The following ZNF689 variants were observed in gnomAD, a reference collection of about 807,000 sequenced individuals.
ZNF689 encodes zinc finger protein 689, also known as short ORF-encoded histone-binding protein.
In ZNF689, 14 loss-of-function variants were observed where a neutral mutation model predicts 37.2. The ratio of observed to expected loss-of-function variants is 0.38; its 90% CI spans 0.25 to 0.59. The LOEUF (loss-of-function observed/expected upper bound fraction) is 0.59, where lower values mean the gene tolerates loss of function less well. ZNF689 is among the 20% of genes least tolerant of loss of function. The pLI, the probability that ZNF689 is intolerant of heterozygous loss-of-function variation, is 0.68. For missense variants in ZNF689, 573 were observed against 700.2 expected (o/e 0.82, Z 2.05); for synonymous variants, 277 against 283.3 (o/e 0.98, Z 0.22).
At chr16:30,606,367 A>G (rs8044106) in intron 2 of ZNF689, among the ~76,000 whole-genome samples, 10,471 of 152,230 alleles carry the variant, frequency 0.069, 1,105 homozygotes, top group African/African-American at 0.23. Context: ...ACCTTTTTCC[A>G]ATCTACCTTG....
rs2051989447 is a variant in ZNF689, at chr16:30,602,741, G to A, written c.*1523C>T. On this transcript the variant is annotated 3_prime_UTR_variant, in exon 3 of 3. Coordinates refer to ENST00000287461, the MANE Select transcript of ZNF689 (RefSeq NM_138447.3). ...CCCTGCTTGTGCTGAGATCAGGAGA[G>A]CTGTAGGAAGGAGCCACAGGGGTAA... The A allele has an allele frequency of 1.3e-5, 2 of 152,220 alleles. No homozygotes were observed. Among genetic ancestry groups the A allele is most frequent in the Non-Finnish European group, 2.9e-5 (2 of 68,048 alleles). 9.4% of individuals were successfully genotyped at this position (152,220 alleles called of 1,614,324 possible). A position where few individuals can be genotyped will look rare whatever the true frequency, so the allele number is the denominator to read the frequency against.
chr16:30,608,236 T>C (rs1326860583), intron 2 of ZNF689: 1 of 152,150 alleles, frequency 6.6e-6, no homozygotes, highest in Non-Finnish European at 1.5e-5. Context: ...GCTGTTAGCA[T>C]TGTTAAAGAC....
In ZNF689 at chr16:30,610,049, G is replaced by A. The variant is rs768612711; in HGVS notation, c.-8C>T. On this transcript the variant is annotated 5_prime_UTR_variant, in exon 1 of 3. Coordinates refer to ENST00000287461, the MANE Select transcript of ZNF689 (RefSeq NM_138447.3). ...AGCCGAAGGTGGCGCCATGGGACCC[G>A]AGAAGCCGGCGCCACGGCCTTCCGT... is the stretch of plus-strand genomic sequence containing the variant. The A allele has an allele frequency of 5.7e-6, 9 of 1,580,072 alleles. No homozygotes were observed. Among genetic ancestry groups the A allele is most frequent in the South Asian group, 1.1e-5 (1 of 87,278 alleles).
At position 30,604,517 on chromosome 16, in the gene ZNF689, G is replaced by C. The variant is rs1402113336; in HGVS notation, c.1250C>G (p.Ala417Gly). ...GCCCGAGTGCACGCGCCGGTGGCTGGCCAGCAGTGAGGGGTAGGCAAAGCG... is the reference window on the plus strand; with the variant it reads ...GCCCGAGTGCACGCGCCGGTGGCTGCCCAGCAGTGAGGGGTAGGCAAAGCG... ...GRRFAYPSLLASHRRVHSGER... is the reference protein window; with the variant it reads ...GRRFAYPSLLGSHRRVHSGER... Residue 417 changes from alanine to glycine, a missense_variant, in exon 3 of 3, where the codon GCC (alanine) becomes GGC (glycine). Coordinates refer to ENST00000287461, the MANE Select transcript of ZNF689 (RefSeq NM_138447.3). The surrounding 1 kb of genome is among the most constrained non-coding windows in gnomAD (Gnocchi z 5.2). 1 of 1,594,250 alleles carries C rather than the reference G, an allele frequency of 6.3e-7. No individual in the cohort carries two copies. The highest frequency in any genetic ancestry group is 1.8e-5 in the Admixed American group (1 of 56,260).
rs1327174800 is a variant in ZNF689 at position 30,604,258 on chromosome 16, C to T, written c.*6G>A. The T allele has an allele frequency of 6.2e-7, 1 of 1,614,070 alleles. No individual in the cohort carries two copies. Among genetic ancestry groups the T allele is most frequent in the African/African-American group, 1.3e-5 (1 of 75,060 alleles). On this transcript the variant is annotated 3_prime_UTR_variant, in exon 3 of 3. Transcript: ENST00000287461. This position sits in a 1 kb window ranked among gnomAD's most constrained non-coding sequence, Gnocchi z 5.2. Reference sequence around the variant, plus strand: ...AATGAAATGAACGTAGGCAGTCCTTCCCCTTCTAATGGGCGTTGCCCCTCT... The same window carrying T: ...AATGAAATGAACGTAGGCAGTCCTTTCCCTTCTAATGGGCGTTGCCCCTCT...
rs1392044604 is a variant in ZNF689 at position 30,604,170 on chromosome 16, T to C, written c.*94A>G. On this transcript the variant is annotated 3_prime_UTR_variant, in exon 3 of 3. Coordinates refer to ENST00000287461, the MANE Select transcript of ZNF689 (RefSeq NM_138447.3). The surrounding 1 kb of genome is among the most constrained non-coding windows in gnomAD (Gnocchi z 5.2). ...CTCTGTGCAGCAGGAGACCCGGGTT[T>C]AGTTCTGACTCTGCCCTGTATGACC... The C allele has an allele frequency of 1.5e-6, 2 of 1,360,388 alleles. No homozygotes were observed. Among genetic ancestry groups the C allele is most frequent in the East Asian group, 2.4e-5 (1 of 41,712 alleles). 84.3% of individuals were successfully genotyped at this position (1,360,388 alleles called of 1,614,324 possible). A position where few individuals can be genotyped will look rare whatever the true frequency, so the allele number is the denominator to read the frequency against.
At chr16:30,609,267 CAA>C (rs77079521) in intron 2 of ZNF689, among the ~76,000 whole-genome samples, 16 of 60,708 alleles carry the variant, frequency 2.6e-4, no homozygotes, top group African/African-American at 6.7e-4. Flanking sequence ...AATGTTTCTA[CAA>C]AAAAAAAAAA....
Position 30,610,150 on chromosome 16 carries a change from C to T in ZNF689, c.-109G>A. ...CTGCCGGACCAGGGCTGAGCGTGGC[C>T]GGGGAGGCCCGGAGGGAATCGGAAT... On this transcript the variant is annotated 5_prime_UTR_variant, in exon 1 of 3. Transcript: ENST00000287461. 1 of 1,312,356 alleles carries T rather than the reference C, an allele frequency of 7.6e-7. No homozygotes were observed. Among genetic ancestry groups the T allele is most frequent in the Non-Finnish European group, 1.0e-6 (1 of 982,366 alleles). The allele number at this position is 1,312,356 out of a possible 1,614,324, so 81.3% of individuals were successfully genotyped here.
chr16:30,604,502 ACG>A lies in ZNF689; in HGVS notation c.1263_1264del (p.Val422AlafsTer56). 1 of 1,598,656 alleles carries A rather than the reference ACG, an allele frequency of 6.3e-7. No homozygotes were observed. Among genetic ancestry groups the A allele is most frequent in the Non-Finnish European group, 8.5e-7 (1 of 1,172,952 alleles). ...GGCATAGGGCCGCTCGCCCGAGTGCACGCGCCGGTGGCTGGCCAGCAGTGAGG... is the reference window on the plus strand; with the variant it reads ...GGCATAGGGCCGCTCGCCCGAGTGCACGCCGGTGGCTGGCCAGCAGTGAGG... On this transcript the variant is annotated frameshift_variant, in exon 3 of 3. Coordinates refer to ENST00000287461, the MANE Select transcript of ZNF689 (RefSeq NM_138447.3). LOFTEE classifies it high-confidence loss of function. This position sits in a 1 kb window ranked among gnomAD's most constrained non-coding sequence, Gnocchi z 5.2.
rs77079521 is a variant in ZNF689, at chr16:30,609,267, C to CAAA, written c.319+255_319+257dup. On this transcript the variant is annotated intron_variant, in intron 2 of 2. Coordinates refer to ENST00000287461, the MANE Select transcript of ZNF689 (RefSeq NM_138447.3). ...CGAACTGAGCAAGACAATGTTTCTA[C>CAAA]AAAAAAAAAAAAAAAAAAAAAAGAC... Among the ~76,000 whole-genome samples the CAAA allele has an allele frequency of 3.2e-3, 187 of 58,546 alleles. 1 individual carries two copies. Among genetic ancestry groups the CAAA allele is most frequent in the Middle Eastern group, 0.028 (3 of 106 alleles). The allele number at this position is 58,546 out of a possible 152,430, so 38.4% of individuals were successfully genotyped here.
rs1011611968 is a variant in ZNF689 at position 30,603,984 on chromosome 16, C to A, written c.*280G>T. 1.7e-5 allele frequency: 10 copies of A among 590,906 alleles called. No homozygotes were observed. The highest frequency in any genetic ancestry group is 3.2e-5 in the Non-Finnish European group (10 of 316,438). 36.6% of individuals were successfully genotyped at this position (590,906 alleles called of 1,614,324 possible). On this transcript the variant is annotated 3_prime_UTR_variant, in exon 3 of 3. Transcript: ENST00000287461. Reference sequence around the variant, plus strand: ...GACAGACTAGAAAAGCAGACAGCCCCTAAAATAGATGGGGAGAACTTTTAG... The same window carrying A: ...GACAGACTAGAAAAGCAGACAGCCCATAAAATAGATGGGGAGAACTTTTAG...
Position 30,610,336 on chromosome 16 carries a change from T to C in ZNF689, c.-295A>G, listed in dbSNP as rs1435936763. 7.1e-6 allele frequency: 3 copies of C among 422,784 alleles called. No homozygotes were observed. The highest frequency in any genetic ancestry group is 6.2e-5 in the African/African-American group (3 of 48,360). The allele number at this position is 422,784 out of a possible 1,614,324, so 26.2% of individuals were successfully genotyped here. On this transcript the variant is annotated 5_prime_UTR_variant, in exon 1 of 3. Transcript: ENST00000287461. ...AGGCAGCTTCCAGCTATCGATTTTA[T>C]TGACCGGAGCGCCATGCCGGCTTCC...
chr16:30,608,027 G>A (rs1326429152), intron 2 of ZNF689, among the ~76,000 whole-genome samples: 1 of 152,158 alleles, frequency 6.6e-6, no homozygotes, highest in African/African-American at 2.4e-5. Flanking sequence ...GCAGTGACTG[G>A]GTCAAAAGGC....
chr16:30,609,926 G>C lies in ZNF689; in HGVS notation c.116C>G (p.Ser39Cys), dbSNP rs1265521280. The change falls in exon 1 of 3, where the codon TCC becomes TGC. Residue 39 changes from serine to cysteine, a missense_variant. Coordinates refer to ENST00000287461, the MANE Select transcript of ZNF689 (RefSeq NM_138447.3). ...CCGCAGGCAGCCCCACTCCTCCGGGGAGAAGTACACGGCCACGTCCACGAA... is the reference window on the plus strand; with the variant it reads ...CCGCAGGCAGCCCCACTCCTCCGGGCAGAAGTACACGGCCACGTCCACGAA... Reference protein sequence around the residue: ...LKFVDVAVYFSPEEWGCLRPA... With the variant: ...LKFVDVAVYFCPEEWGCLRPA... 6.2e-7 allele frequency: 1 copy of C among 1,612,766 alleles called. No homozygotes were observed. Among genetic ancestry groups the C allele is most frequent in the Non-Finnish European group, 8.5e-7 (1 of 1,179,646 alleles).
At chr16:30,606,810 C>T (rs1404685305) in intron 2 of ZNF689, among the ~76,000 whole-genome samples, 1 of 151,754 alleles carries the variant, frequency 6.6e-6, no homozygotes, top group African/African-American at 2.4e-5. Context: ...CTTTCTTATA[C>T]AAAAGACAAC....
chr16:30,609,990 G>T lies in ZNF689; in HGVS notation c.52C>A (p.Pro18Thr), dbSNP rs1443231537. The stretch of plus-strand genomic sequence containing the variant: ...GGCCTCCTGCCCCTTTTCCGACTGG[G>T]TCTGGCCTTTCCTGGTCCCTGCGCA... ...LPAQGPGKARPSRKRGRRPRA... is the reference protein window; with the variant it reads ...LPAQGPGKARTSRKRGRRPRA... Residue 18 changes from proline (P) to threonine (T), a missense_variant, in exon 1 of 3, where the codon CCC (proline) becomes ACC (threonine). Transcript: ENST00000287461. 8.7e-6 allele frequency: 14 copies of T among 1,610,200 alleles called. No individual in the cohort carries two copies. Among genetic ancestry groups the T allele is most frequent in the Middle Eastern group, 1.9e-4 (1 of 5,340 alleles).
Position 30,605,752 on chromosome 16 carries a change from G to A in ZNF689, c.320-305C>T, listed in dbSNP as rs532944053. Among the ~76,000 whole-genome samples, 16 of 152,140 alleles carry A rather than the reference G, an allele frequency of 1.1e-4. No homozygotes were observed. The highest frequency in any genetic ancestry group is 1.8e-4 in the Non-Finnish European group (12 of 68,024). The stretch of plus-strand genomic sequence containing the variant: ...AGGCGGGCAGATCACAAGGTCAGGA[G>A]TTTGAGAGCAGCCTGACCAACATGG... On this transcript the variant is annotated intron_variant, in intron 2 of 2. Transcript: ENST00000287461. This position sits in a 1 kb window ranked among gnomAD's most constrained non-coding sequence, Gnocchi z 5.1.
chr16:30,610,109 T>C lies in ZNF689; in HGVS notation c.-68A>G, dbSNP rs565916015. ...TCGGCCCTCGGGCGCTGGCGGCCCC[T>C]GGGATCGAGGAGCCCCTGCCGGACC... is the stretch of plus-strand genomic sequence containing the variant. On this transcript the variant is annotated 5_prime_UTR_variant, in exon 1 of 3. Transcript: ENST00000287461. 126 of 1,505,372 alleles carry C rather than the reference T, an allele frequency of 8.4e-5. 1 individual carries two copies. In the South Asian group the frequency reaches 1.3e-3, roughly 16 times the overall value. 93.3% of individuals were successfully genotyped at this position (1,505,372 alleles called of 1,614,324 possible). A position where few individuals can be genotyped will look rare whatever the true frequency, so the allele number is the denominator to read the frequency against.
In ZNF689 at chr16:30,605,155, G is replaced by C; in HGVS notation, c.612C>G (p.Pro204=). 1 of 1,614,134 alleles carries C rather than the reference G, an allele frequency of 6.2e-7. No homozygotes were observed. The highest frequency in any genetic ancestry group is 8.5e-7 in the Non-Finnish European group (1 of 1,180,020). Residue 204 remains proline (P), a synonymous_variant, in exon 3 of 3, where the codon CCC becomes CCG. Coordinates refer to ENST00000287461, the MANE Select transcript of ZNF689 (RefSeq NM_138447.3). This position sits in a 1 kb window ranked among gnomAD's most constrained non-coding sequence, Gnocchi z 5.1. ...SHRRAHSGEC[P]YVCDQCGKRF... ...GTTTGCCACACTGGTCACAAACATA[G>C]GGGCACTCGCCGGAGTGTGCCCGCC... is the stretch of plus-strand genomic sequence containing the variant.
Sources: allele counts gnomAD v4.1 joint callset (sites outside exome capture counted in the v4.1 genomes callset), GRCh38; gene constraint gnomAD v4.1.1; non-coding constraint Gnocchi (gnomAD v3.1); transcripts MANE v1.5; gene names NCBI Gene and HGNC (gene_info 2026-07-23, HGNC 2026-07-21).